Variants in NOTCH2 observed in about 807,000 individuals in gnomAD.
NOTCH2 encodes notch receptor 2, also known as neurogenic locus notch homolog protein 2.
A neutral mutation model predicts 235.8 loss-of-function variants in NOTCH2; 29 were observed. The observed-to-expected ratio is 0.12, with a 90% CI of 0.09 to 0.17. NOTCH2 has a LOEUF of 0.17. NOTCH2 is among the 10% of genes least tolerant of loss of function. The pLI is 1.00. For synonymous variants in NOTCH2, 1,086 were observed against 1,141.5 expected (o/e 0.95, Z 0.98); for missense variants, 2,285 against 3,150.2 (o/e 0.73, Z 6.57).
Position 119,928,963 on chromosome 1 carries a change from G to T in NOTCH2, c.3892+13C>A. ...CCAAGGCAGAGTGGCCAGGAGGCTA[G>T]AGAGCTTCTCACCAGTAAAGGCACT... On this transcript the variant is annotated intron_variant, in intron 23 of 33. Coordinates refer to ENST00000256646, the MANE Select transcript of NOTCH2 (RefSeq NM_024408.4). The T allele has an allele frequency of 6.2e-7, 1 of 1,609,992 alleles. No homozygotes were observed. Among genetic ancestry groups the T allele is most frequent in the Non-Finnish European group, 8.5e-7 (1 of 1,176,426 alleles).
At chr1:119,922,947 TA>T (rs1649338737) in intron 26 of NOTCH2, among the ~76,000 whole-genome samples, 169 bp from the exon 27 acceptor site, 1 of 152,196 alleles carries the variant, frequency 6.6e-6, no homozygotes. Flanking sequence ...GGAATTAGAA[TA>T]CTGTCCCTTG....
chr1:119,931,786 C>A (rs1162606418), intron 22 of NOTCH2, among the ~76,000 whole-genome samples: 1 of 151,470 alleles, frequency 6.6e-6, no homozygotes, highest in South Asian at 2.1e-4. Context: ...TATGATGTTG[C>A]TAACTACAAC....
At chr1:119,924,866 A>C (rs1649417419) in intron 25 of NOTCH2, among the ~76,000 whole-genome samples, 1 of 152,250 alleles carries the variant, frequency 6.6e-6, no homozygotes, top group Admixed American at 6.5e-5. Flanking sequence ...CATCCTATAC[A>C]ATTAAGACCG....
At position 119,935,516 on chromosome 1, in the gene NOTCH2, T is replaced by C; in HGVS notation, c.3611A>G (p.Asp1204Gly). 6.2e-7 allele frequency: 1 copy of C among 1,614,168 alleles called. No individual in the cohort carries two copies. Among genetic ancestry groups the C allele is most frequent in the African/African-American group, 1.3e-5 (1 of 75,026 alleles). ...AGAGCACTTGAAATGGTTCACAAGG[T>C]CAATACAGGTGCCTCCATTCTGGCA... ...QPCQNGGTCI[D>G]LVNHFKCSCP... The change falls in exon 22 of 34, where the codon GAC (aspartate) becomes GGC (glycine). Residue 1204 changes from aspartate (D) to glycine (G), a missense_variant. By Grantham distance (94) the Asp-to-Gly change is moderately conservative. This residue lies in a region of NOTCH2 where 1,173 missense variants were observed against 1,515.3 expected (regional missense o/e 0.77). Transcript: ENST00000256646.
At chr1:119,953,824 T>A in intron 13 of NOTCH2, 136 bp from the exon 14 acceptor site, 1 of 800,576 alleles carries the variant, frequency 1.2e-6, no homozygotes, top group Non-Finnish European at 2.2e-6. Context: ...TTGCATCACC[T>A]TGCACATGGT....
chr1:119,996,337 T>C, intron 4 of NOTCH2: 2 of 368,346 alleles, frequency 5.4e-6, no homozygotes, highest in Non-Finnish European at 1.0e-5. Context: ...CAAAGTATTG[T>C]GCCACGCATA....
rs1553198231 is a variant in NOTCH2 at position 119,955,025 on chromosome 1, G to C, written c.2219+15C>G. 1 of 1,612,676 alleles carries C rather than the reference G, an allele frequency of 6.2e-7. No individual in the cohort carries two copies. The highest frequency in any genetic ancestry group is 1.1e-5 in the South Asian group (1 of 91,002). ...ACAGGTCAATAAGAAACTATCACAT[G>C]GGGCAGCTACTCACCCACTGAGACC... On this transcript the variant is annotated intron_variant, in intron 13 of 33. Transcript: ENST00000256646.
chr1:119,925,905 C>G, intron 24 of NOTCH2, 95 bp from the exon 25 acceptor site: 1 of 1,399,328 alleles, frequency 7.1e-7, no homozygotes. Flanking sequence ...ATCTCACTCC[C>G]TTCTGTACTT....
intron 14 of NOTCH2, among the ~76,000 whole-genome samples, chr1:119,952,256 T>C (rs1330874729): frequency 3.3e-5 from 5 of 152,226 alleles, no homozygotes; most frequent in African/African-American, 4.8e-5. Flanking sequence ...TCAGCATTTT[T>C]GGCACCAGGG....
chr1:120,051,286 C>T (rs1355017747), intron 1 of NOTCH2, among the ~76,000 whole-genome samples: 1 of 100,718 alleles, frequency 9.9e-6, no homozygotes, highest in Non-Finnish European at 1.8e-5. Context: ...CACACACACA[C>T]AGAGTTAAAT....
Position 119,925,575 on chromosome 1 carries a change from T to C in NOTCH2, c.4241A>G (p.Tyr1414Cys). The change falls in exon 25 of 34, where the codon TAC becomes TGC. Residue 1414 changes from tyrosine (Y) to cysteine (C), a missense_variant. Coordinates refer to ENST00000256646, the MANE Select transcript of NOTCH2 (RefSeq NM_024408.4). ...AGGAGGGGTGCTGGGGGGTGCCGTG[T>C]AGAGTTCACAGCGGCTACCCGAGAA... The part of the protein sequence containing the change: ...PPFSGSRCEL[Y>C]TAPPSTPPAT... 1.2e-6 allele frequency: 2 copies of C among 1,613,898 alleles called. No homozygotes were observed. Among genetic ancestry groups the C allele is most frequent in the Non-Finnish European group, 1.7e-6 (2 of 1,179,978 alleles).
intron 5 of NOTCH2, among the ~76,000 whole-genome samples, chr1:119,972,164 AG>A (rs1392925194): frequency 1.3e-5 from 2 of 152,000 alleles, no homozygotes; most frequent in Non-Finnish European, 2.9e-5. Flanking sequence ...TCAGTGAGTG[AG>A]TGAAGGAATC....
chr1:119,962,306 G>C (rs765580302), intron 11 of NOTCH2, among the ~76,000 whole-genome samples: 1 of 152,102 alleles, frequency 6.6e-6, no homozygotes, highest in Non-Finnish European at 1.5e-5. Context: ...AAAGCCCCTC[G>C]ATTCTAAAGA....
Position 119,953,700 on chromosome 1 carries a change from C to T in NOTCH2, c.2220-12G>A. ...AGAGACACTTATATCTGAAAGAAGA[C>T]AAAACTTTTTACTATAGGAGGTATA... On this transcript the variant is annotated splice_polypyrimidine_tract_variant and intron_variant, in intron 13 of 33. Coordinates refer to ENST00000256646, the MANE Select transcript of NOTCH2 (RefSeq NM_024408.4). 6.2e-7 allele frequency: 1 copy of T among 1,613,690 alleles called. No individual in the cohort carries two copies. The highest frequency in any genetic ancestry group is 1.7e-4 in the Middle Eastern group (1 of 6,060).
intron 9 of NOTCH2, 131 bp downstream of exon 9, chr1:119,966,245 T>G (rs1651129386): frequency 2.7e-6 from 2 of 749,510 alleles, no homozygotes; most frequent in Non-Finnish European, 4.9e-6. Context: ...ACACACACAC[T>G]CCTATCACCA....
In NOTCH2 at chr1:119,915,096, A is replaced by G; in HGVS notation, c.*210T>C. On this transcript the variant is annotated 3_prime_UTR_variant, in exon 34 of 34. Transcript: ENST00000256646. ...TCTTGCATTTCCACAAACTTGTCTT[A>G]TTAGATTAGAATAATCAATAAGCCT... 1.7e-6 allele frequency: 1 copy of G among 603,326 alleles called. No individual in the cohort carries two copies. Among genetic ancestry groups the G allele is most frequent in the South Asian group, 2.0e-5 (1 of 51,166 alleles). The allele number at this position is 603,326 out of a possible 1,614,324, so 37.4% of individuals were successfully genotyped here.
intron 14 of NOTCH2, among the ~76,000 whole-genome samples, chr1:119,952,033 T>C (rs1650494136): frequency 6.6e-6 from 1 of 152,250 alleles, no homozygotes; most frequent in African/African-American, 2.4e-5. Flanking sequence ...CTCTAAAACA[T>C]GCTGATGTAT....
Position 119,921,706 on chromosome 1 carries a change from A to C in NOTCH2, c.5310+7T>G, listed in dbSNP as rs587687737. 16 of 1,612,638 alleles carry C rather than the reference A, an allele frequency of 9.9e-6. No homozygotes were observed. In the South Asian group the frequency reaches 1.8e-4, roughly 18 times the overall value. On this transcript the variant is annotated splice_region_variant and intron_variant, in intron 29 of 33. Coordinates refer to ENST00000256646, the MANE Select transcript of NOTCH2 (RefSeq NM_024408.4). ...TGACAATGGTGGTTCTACCATGGCC[A>C]CCTCACCTTTACTTTCTTTGGCTGG...
chr1:119,917,115 T>A (rs961542066), intron 33 of NOTCH2, among the ~76,000 whole-genome samples: 1 of 151,178 alleles, frequency 6.6e-6, no homozygotes, highest in African/African-American at 2.4e-5. Flanking sequence ...ATAAGAAAGG[T>A]AGGAAGAGAA....
Sources: allele counts gnomAD v4.1 joint callset (sites outside exome capture counted in the v4.1 genomes callset), GRCh38; gene constraint gnomAD v4.1.1; regional missense constraint gnomAD v4.1.1; transcripts MANE v1.5; gene names NCBI Gene and HGNC (gene_info 2026-07-23, HGNC 2026-07-21).